Variants in RAB3C observed in about 807,000 individuals in gnomAD.
RAB3C encodes RAB3C, member RAS oncogene family.
RAB3C carries 17 observed loss-of-function variants against 26.4 expected under a neutral mutation model. That is an observed-to-expected ratio of 0.64 (90% CI 0.44 to 0.97). The LOEUF (loss-of-function observed/expected upper bound fraction) is 0.97, where lower values mean the gene tolerates loss of function less well. RAB3C is among the 50% of genes least tolerant of loss of function. The pLI, the probability that RAB3C is intolerant of heterozygous loss-of-function variation, is 0.00. For missense variants in RAB3C, 242 were observed against 281.9 expected (o/e 0.86, Z 1.01); for synonymous variants, 91 against 95.9 (o/e 0.95, Z 0.30).
intron 1 of RAB3C, among the ~76,000 whole-genome samples, chr5:58,594,116 C>T (rs1184982405): frequency 1.3e-5 from 2 of 152,176 alleles, no homozygotes; most frequent in Admixed American, 6.6e-5. Context: ...CATCAAAGAT[C>T]AATGGGCGTT....
chr5:58,815,354 G>T (rs1177956482), intron 3 of RAB3C, among the ~76,000 whole-genome samples: 4 of 152,236 alleles, frequency 2.6e-5, no homozygotes, highest in Non-Finnish European at 4.4e-5. Context: ...CTGGACTGGG[G>T]TTCTTCAAAG....
intron 3 of RAB3C, among the ~76,000 whole-genome samples, chr5:58,765,297 T>A (rs1045301367): frequency 6.6e-6 from 1 of 152,132 alleles, no homozygotes; most frequent in African/African-American, 2.4e-5. Flanking sequence ...TTTTTTCCAT[T>A]TTCACCTCCC....
At chr5:58,587,366 A>C (rs1296825312) in intron 1 of RAB3C, among the ~76,000 whole-genome samples, 1 of 152,054 alleles carries the variant, frequency 6.6e-6, no homozygotes, top group Non-Finnish European at 1.5e-5. Flanking sequence ...GGGCCACCTC[A>C]AAAAAATGTT....
chr5:58,808,216 C>T (rs1357284924), intron 3 of RAB3C, among the ~76,000 whole-genome samples: 1 of 133,168 alleles, frequency 7.5e-6, no homozygotes, highest in African/African-American at 3.3e-5. Context: ...CAGAGCAAGA[C>T]TCCGTCTCAA....
intron 4 of RAB3C, 101 bp from the exon 5 acceptor site, chr5:58,851,063 T>C: frequency 8.7e-7 from 1 of 1,144,242 alleles, no homozygotes; most frequent in Non-Finnish European, 1.2e-6. Flanking sequence ...CACCCACTGA[T>C]GTCTCACCAT....
intron 3 of RAB3C, among the ~76,000 whole-genome samples, chr5:58,756,035 T>C (rs1412706981): frequency 1.3e-5 from 2 of 151,920 alleles, no homozygotes; most frequent in Non-Finnish European, 2.9e-5. Context: ...TTAAATTTTA[T>C]AGATAAGTTG....
chr5:58,685,378 C>T (rs917882108), intron 2 of RAB3C, among the ~76,000 whole-genome samples: 7 of 152,118 alleles, frequency 4.6e-5, no homozygotes, highest in African/African-American at 1.2e-4. Context: ...TTCATGGCCT[C>T]TTCCTCCATC....
chr5:58,728,040 C>G (rs940684127), intron 3 of RAB3C, among the ~76,000 whole-genome samples: 20 of 151,970 alleles, frequency 1.3e-4, no homozygotes, highest in Non-Finnish European at 2.7e-4. Context: ...CTTTGCATGT[C>G]TCTTTCCTCA....
intron 3 of RAB3C, among the ~76,000 whole-genome samples, chr5:58,792,679 A>T (rs1663489344): frequency 6.6e-6 from 1 of 152,092 alleles, no homozygotes; most frequent in African/African-American, 2.4e-5. Context: ...CTTCCTATAG[A>T]TGGCCAAGCT....
chr5:58,753,055 A>G (rs1444541646), intron 3 of RAB3C, among the ~76,000 whole-genome samples: 1 of 152,186 alleles, frequency 6.6e-6, no homozygotes, highest in Non-Finnish European at 1.5e-5. Context: ...AAAATGGTTA[A>G]TAGGATGTTT....
chr5:58,777,182 C>T (rs1019482831), intron 3 of RAB3C, among the ~76,000 whole-genome samples: 1 of 152,066 alleles, frequency 6.6e-6, no homozygotes, highest in African/African-American at 2.4e-5. Context: ...TTTGACACAG[C>T]TTTCCTCTCT....
chr5:58,796,890 C>T (rs1742666844), intron 3 of RAB3C, among the ~76,000 whole-genome samples: 1 of 151,864 alleles, frequency 6.6e-6, no homozygotes, highest in Admixed American at 6.6e-5. Context: ...AGTCATCTTC[C>T]CTGGGCACAG....
At chr5:58,798,824 A>G (rs1386389496) in intron 3 of RAB3C, among the ~76,000 whole-genome samples, 1 of 152,204 alleles carries the variant, frequency 6.6e-6, no homozygotes, top group Non-Finnish European at 1.5e-5. Context: ...ATTCTTATTG[A>G]AATGTTTAAC....
chr5:58,616,007 CA>C (rs1746818203), intron 1 of RAB3C, among the ~76,000 whole-genome samples: 1 of 151,772 alleles, frequency 6.6e-6, no homozygotes, highest in African/African-American at 2.4e-5. Context: ...CACACACACA[CA>C]CACCCCTGAC....
intron 3 of RAB3C, among the ~76,000 whole-genome samples, chr5:58,777,061 A>G (rs1742158856): frequency 6.6e-6 from 1 of 152,172 alleles, no homozygotes; most frequent in African/African-American, 2.4e-5. Context: ...CTTCCAAAAT[A>G]GAAACCTGAG....
intron 3 of RAB3C, among the ~76,000 whole-genome samples, chr5:58,746,072 T>A (rs1741396691): frequency 6.6e-6 from 1 of 152,212 alleles, no homozygotes; most frequent in Non-Finnish European, 1.5e-5. Context: ...ATTCACAGAA[T>A]GTGTAAGTTG....
chr5:58,788,555 G>T (rs900883161), intron 3 of RAB3C, among the ~76,000 whole-genome samples: 3 of 152,182 alleles, frequency 2.0e-5, no homozygotes, highest in African/African-American at 7.2e-5. Context: ...TGAAAATGTT[G>T]CTGGACCCTG....
At chr5:58,768,470 G>T (rs569656472) in intron 3 of RAB3C, among the ~76,000 whole-genome samples, 2 of 152,112 alleles carry the variant, frequency 1.3e-5, no homozygotes, top group Admixed American at 6.5e-5. Flanking sequence ...AAATAAGAAG[G>T]GTACAAACAA....
intron 4 of RAB3C, among the ~76,000 whole-genome samples, chr5:58,844,128 A>G (rs948508001): frequency 6.6e-6 from 1 of 152,202 alleles, no homozygotes; most frequent in Admixed American, 6.5e-5. Context: ...TCAAGGAATG[A>G]GGGGTGTTTG....
Sources: allele counts gnomAD v4.1 joint callset (sites outside exome capture counted in the v4.1 genomes callset), GRCh38; gene constraint gnomAD v4.1.1; transcripts MANE v1.5; gene names NCBI Gene and HGNC (gene_info 2026-07-23, HGNC 2026-07-21).